The following MICAL3 variants were observed in gnomAD, a reference collection of about 807,000 sequenced individuals.
MICAL3 encodes the protein [F-actin]-monooxygenase MICAL3.
A neutral mutation model predicts 207.4 loss-of-function variants in MICAL3; 62 were observed. That is an observed-to-expected ratio of 0.30 (90% CI 0.24 to 0.37). MICAL3 has a LOEUF of 0.37. MICAL3 is among the 10% of genes least tolerant of loss of function. MICAL3 has a pLI of 1.00. For missense variants in MICAL3, 2,368 were observed against 2,635.6 expected, an observed-to-expected ratio of 0.90 and a Z score of 2.22; for synonymous variants, 1,077 against 1,069.3, an observed-to-expected ratio of 1.01 and a Z score of -0.14.
chr22:17,997,679 T>C (rs1375250033), intron 1 of MICAL3, among the ~76,000 whole-genome samples: 1 of 152,180 alleles, frequency 6.6e-6, no homozygotes, highest in Non-Finnish European at 1.5e-5. Flanking sequence ...AACCCAGCCC[T>C]GCTTTCAGTC....
chr22:17,987,527 G>C (rs940007007), intron 1 of MICAL3, among the ~76,000 whole-genome samples: 1 of 152,238 alleles, frequency 6.6e-6, no homozygotes, highest in Non-Finnish European at 1.5e-5. Context: ...CCTAGCATGC[G>C]TGCTGGGGAA....
intron 8 of MICAL3, 94 bp from the exon 9 acceptor site, chr22:17,896,455 T>C (rs1204903774): frequency 4.7e-6 from 4 of 846,530 alleles, no homozygotes; most frequent in African/African-American, 3.4e-5. Flanking sequence ...CTGTCGACAG[T>C]AGTGTTTGGC....
At chr22:17,823,764 A>C (rs1921886386) in intron 22 of MICAL3, among the ~76,000 whole-genome samples, 1 of 152,208 alleles carries the variant, frequency 6.6e-6, no homozygotes, top group African/African-American at 2.4e-5. Context: ...ACATCCGAAA[A>C]AAATTCGAAA....
chr22:17,877,688 G>C (rs1052496533), intron 16 of MICAL3, among the ~76,000 whole-genome samples: 3 of 152,012 alleles, frequency 2.0e-5, no homozygotes, highest in East Asian at 1.9e-4. Flanking sequence ...GAGGAGTGCA[G>C]AAACCAGTTC....
At chr22:17,803,893 T>C (rs1284321001) in intron 29 of MICAL3, 6 of 966,828 alleles carry the variant, frequency 6.2e-6, no homozygotes, top group African/African-American at 5.3e-5. Context: ...GAGAGAGTTA[T>C]TCCATCAGGT....
intron 16 of MICAL3, chr22:17,875,524 C>G: frequency 6.5e-7 from 1 of 1,530,632 alleles, no homozygotes; most frequent in South Asian, 1.2e-5. Flanking sequence ...CACTGGTCGA[C>G]AAAAAATCGA....
At chr22:17,856,095 C>T (rs1403185061) in intron 19 of MICAL3, among the ~76,000 whole-genome samples, 2 of 152,264 alleles carry the variant, frequency 1.3e-5, no homozygotes, top group African/African-American at 4.8e-5. Context: ...AGGGCCTGTG[C>T]ACAGTGCGTG....
At chr22:17,916,392 T>C (rs1932518560) in intron 1 of MICAL3, among the ~76,000 whole-genome samples, 1 of 152,162 alleles carries the variant, frequency 6.6e-6, no homozygotes, top group Non-Finnish European at 1.5e-5. Context: ...AGGACACGTC[T>C]TTCAACACCC....
chr22:17,822,630 C>T (rs781046532), intron 23 of MICAL3, among the ~76,000 whole-genome samples: 4 of 152,220 alleles, frequency 2.6e-5, no homozygotes, highest in Non-Finnish European at 5.9e-5. Flanking sequence ...CCCCTCAGCC[C>T]CCCACAACCA....
In MICAL3 at chr22:17,893,754, T is replaced by C. The variant is rs1057042281; in HGVS notation, c.1546+54A>G. On this transcript the variant is annotated intron_variant, in intron 11 of 31. Transcript: ENST00000441493. ...CACCTTGTGGCTCAGGGAATGAGTA[T>C]AGACTTCTCTGAAGGGGCTGCCTGC... 97 of 1,294,014 alleles carry C rather than the reference T, an allele frequency of 7.5e-5. No homozygotes were observed. The African/African-American group carries it at 1.2e-3, about 16-fold the overall frequency. 80.2% of individuals were successfully genotyped at this position (1,294,014 alleles called of 1,614,324 possible). A position where few individuals can be genotyped will look rare whatever the true frequency, so the allele number is the denominator to read the frequency against.
intron 25 of MICAL3, among the ~76,000 whole-genome samples, chr22:17,820,142 C>CA (rs35565268): frequency 0.43 from 51,656 of 119,976 alleles, 10,487 homozygotes; most frequent in African/African-American, 0.49. Flanking sequence ...GACCCTGTCT[C>CA]AAAAAAAAAA....
At chr22:17,989,556 C>CACGCTCAACCCTGAGCCT (rs1275435639) in intron 1 of MICAL3, among the ~76,000 whole-genome samples, 1 of 152,148 alleles carries the variant, frequency 6.6e-6, no homozygotes, top group African/African-American at 2.4e-5. Flanking sequence ...GCATGCTGCT[C>CACGCTCAACCCTGAGCCT]ACGCTCAACC....
chr22:17,915,681 A>G (rs5747409), intron 1 of MICAL3, among the ~76,000 whole-genome samples: 57,544 of 151,912 alleles, frequency 0.38, 11,697 homozygotes, highest in South Asian at 0.51. Flanking sequence ...GCACCATCTG[A>G]AAGGTCATCT....
chr22:17,837,246 C>A (rs1284923410), intron 20 of MICAL3, among the ~76,000 whole-genome samples: 2 of 152,252 alleles, frequency 1.3e-5, no homozygotes, highest in African/African-American at 4.8e-5. Flanking sequence ...AGGCAGAAAT[C>A]CCCATTTATT....
Position 17,888,982 on chromosome 22 carries a change from G to A in MICAL3, c.1891+52C>T, listed in dbSNP as rs150492791. 5.2e-4 allele frequency: 685 copies of A among 1,325,950 alleles called. 3 individuals are homozygous for A. In the African/African-American group the frequency reaches 7.1e-3, roughly 14 times the overall value. The allele number at this position is 1,325,950 out of a possible 1,614,324, so 82.1% of individuals were successfully genotyped here. On this transcript the variant is annotated intron_variant, in intron 13 of 31. Coordinates refer to ENST00000441493, the MANE Select transcript of MICAL3 (RefSeq NM_015241.3). ...CAGTCGGAAGGAAGGAAGAACAGCC[G>A]GGCCACAGCACAGCAGCAGGGGGCC...
At chr22:18,020,358 T>G (rs916308446) in intron 1 of MICAL3, among the ~76,000 whole-genome samples, 13 of 151,302 alleles carry the variant, frequency 8.6e-5, no homozygotes, top group African/African-American at 2.9e-4. Flanking sequence ...TATGTTAAAT[T>G]CTGACTGTCC....
intron 19 of MICAL3, chr22:17,863,727 A>T: frequency 2.0e-6 from 2 of 985,376 alleles, no homozygotes; most frequent in Non-Finnish European, 2.4e-6. Flanking sequence ...CCTCTCCCAG[A>T]ATGAGCACCA....
chr22:17,928,671 A>G (rs1046757142), intron 1 of MICAL3, among the ~76,000 whole-genome samples: 11 of 152,248 alleles, frequency 7.2e-5, no homozygotes, highest in Non-Finnish European at 7.3e-5. Flanking sequence ...CCCTGATACG[A>G]TGAACAACCA....
At chr22:17,838,674 A>G (rs1007104021) in intron 20 of MICAL3, among the ~76,000 whole-genome samples, 6 of 152,172 alleles carry the variant, frequency 3.9e-5, no homozygotes, top group Non-Finnish European at 8.8e-5. Flanking sequence ...CAGGTTCTGA[A>G]ACATCACGCT....
Sources: allele counts gnomAD v4.1 joint callset (sites outside exome capture counted in the v4.1 genomes callset), GRCh38; gene constraint gnomAD v4.1.1; transcripts MANE v1.5; gene names NCBI Gene and HGNC (gene_info 2026-07-23, HGNC 2026-07-21).